VWA8: variants seen among roughly 807,000 people sequenced by gnomAD.
VWA8 encodes von Willebrand factor A domain-containing protein 8.
VWA8 carries 221 observed loss-of-function variants against 241.5 expected under a neutral mutation model. That is an observed-to-expected ratio of 0.91 (90% CI 0.82 to 1.02). VWA8 has a LOEUF of 1.02. VWA8 is among the 50% of genes least tolerant of loss of function. VWA8 has a pLI of 0.00. For missense variants in VWA8, 2,322 were observed against 2,328.7 expected (o/e 1.00, Z 0.06); for synonymous variants, 852 against 827.1 (o/e 1.03, Z -0.52).
intron 2 of VWA8, among the ~76,000 whole-genome samples, chr13:41,913,969 T>C (rs1182750716): frequency 6.6e-6 from 1 of 152,186 alleles, no homozygotes; most frequent in African/African-American, 2.4e-5. Context: ...CGGCCAGGCA[T>C]GGTGGCTCAC....
intron 37 of VWA8, among the ~76,000 whole-genome samples, chr13:41,641,813 AC>A (rs1216657809): frequency 1.3e-5 from 2 of 151,942 alleles, no homozygotes; most frequent in African/African-American, 4.8e-5. Flanking sequence ...GAAAAAAAAA[AC>A]AGTATGTGGG....
chr13:41,923,133 T>C (rs1055284042), intron 2 of VWA8, among the ~76,000 whole-genome samples: 5 of 152,108 alleles, frequency 3.3e-5, no homozygotes, highest in Admixed American at 1.3e-4. Context: ...ATGTCCTTTG[T>C]AGGGACATGG....
intron 26 of VWA8, among the ~76,000 whole-genome samples, chr13:41,704,395 G>A (rs1247720770): frequency 1.3e-5 from 2 of 151,958 alleles, no homozygotes; most frequent in Non-Finnish European, 2.9e-5. Flanking sequence ...TTCAAATAAG[G>A]TGATTTGCCA....
intron 21 of VWA8, among the ~76,000 whole-genome samples, chr13:41,752,548 T>C (rs900147512): frequency 6.6e-6 from 1 of 152,120 alleles, no homozygotes; most frequent in Non-Finnish European, 1.5e-5. Flanking sequence ...TGAATTAACA[T>C]ACAGTGAATA....
At chr13:41,655,554 GA>G (rs2139690963) in intron 37 of VWA8, among the ~76,000 whole-genome samples, 1 of 152,024 alleles carries the variant, frequency 6.6e-6, no homozygotes, top group South Asian at 2.1e-4. Flanking sequence ...TATATTTTAT[GA>G]AAAAATGGTT....
intron 35 of VWA8, among the ~76,000 whole-genome samples, chr13:41,681,765 T>C (rs749389870): frequency 6.6e-6 from 1 of 152,122 alleles, no homozygotes; most frequent in Non-Finnish European, 1.5e-5. Context: ...GGAAGTGTTA[T>C]GAGAGAGTAT....
intron 2 of VWA8, among the ~76,000 whole-genome samples, chr13:41,949,031 T>TAAAAAAAAAAAAA (rs35506856): frequency 2.4e-4 from 15 of 63,404 alleles, no homozygotes; most frequent in East Asian, 4.2e-4. Context: ...TCTACCATCA[T>TAAAAAAAAAAAAA]AAAAAAAAAA....
At chr13:41,809,652 A>T (rs1035754598) in intron 17 of VWA8, among the ~76,000 whole-genome samples, 2 of 152,168 alleles carry the variant, frequency 1.3e-5, no homozygotes, top group African/African-American at 4.8e-5. Context: ...GAAACTACTA[A>T]AAGAAAGCAT....
At chr13:41,903,679 A>G (rs1875565242) in intron 4 of VWA8, among the ~76,000 whole-genome samples, 1 of 152,174 alleles carries the variant, frequency 6.6e-6, no homozygotes, top group Non-Finnish European at 1.5e-5. Context: ...CCTGCAAGGC[A>G]AGGAGTAAAA....
intron 22 of VWA8, among the ~76,000 whole-genome samples, chr13:41,731,844 G>A (rs2045486285): frequency 6.6e-6 from 1 of 152,150 alleles, no homozygotes; most frequent in Non-Finnish European, 1.5e-5. Context: ...CTTGCCTGCT[G>A]CCATGTGAGA....
chr13:41,866,219 CG>C (rs1241615435), intron 10 of VWA8, among the ~76,000 whole-genome samples, 183 bp from the exon 11 acceptor site: 1 of 151,874 alleles, frequency 6.6e-6, no homozygotes, highest in Non-Finnish European at 1.5e-5. Context: ...CATGGTGGTG[CG>C]CAACTGTGAT....
rs749453959 is a variant in VWA8 at position 41,570,598 on chromosome 13, T to G, written c.5479A>C (p.Ile1827Leu). The G allele has an allele frequency of 6.2e-7, 1 of 1,614,254 alleles. No individual in the cohort carries two copies. Among genetic ancestry groups the G allele is most frequent in the Non-Finnish European group, 8.5e-7 (1 of 1,180,046 alleles). Reference sequence around the variant, plus strand: ...GACAGATTTGCATCACTCAAGACTATGACAAAGTACTCATCAGCTTCTTCT... The same window carrying G: ...GACAGATTTGCATCACTCAAGACTAGGACAAAGTACTCATCAGCTTCTTCT... ...VKEEADEYFV[I>L]VLSDANLSRY... The change falls in exon 44 of 45, where the codon ATA becomes CTA. Residue 1827 changes from isoleucine (I) to leucine (L), a missense_variant. Physicochemically the swap from Ile to Leu is conservative, Grantham distance 5. Coordinates refer to ENST00000379310, the MANE Select transcript of VWA8 (RefSeq NM_015058.2).
At chr13:41,876,127 T>C (rs1310617103) in intron 9 of VWA8, among the ~76,000 whole-genome samples, 1 of 152,110 alleles carries the variant, frequency 6.6e-6, no homozygotes, top group Non-Finnish European at 1.5e-5. Flanking sequence ...AAAGCTACAA[T>C]AGTGTCTCAA....
chr13:41,683,689 A>G (rs1415137723), intron 35 of VWA8, among the ~76,000 whole-genome samples: 1 of 152,172 alleles, frequency 6.6e-6, no homozygotes, highest in Non-Finnish European at 1.5e-5. Context: ...AAGAGGTAAC[A>G]ATATCAGAAG....
chr13:41,857,396 T>C (rs547157955), intron 12 of VWA8, among the ~76,000 whole-genome samples: 477 of 152,300 alleles, frequency 3.1e-3, no homozygotes, highest in African/African-American at 9.9e-3. Flanking sequence ...ATCCATATCA[T>C]ATTTTTTCCA....
chr13:41,577,173 A>C (rs1228742659), intron 42 of VWA8, among the ~76,000 whole-genome samples: 1 of 152,236 alleles, frequency 6.6e-6, no homozygotes, highest in East Asian at 1.9e-4. Flanking sequence ...CTTTGGCCCC[A>C]TAGACACCTC....
At chr13:41,615,206 C>T in intron 37 of VWA8, 122 bp from the exon 38 acceptor site, 1 of 935,030 alleles carries the variant, frequency 1.1e-6, no homozygotes, top group Non-Finnish European at 1.6e-6. Flanking sequence ...GGCCACTGGA[C>T]TTGATAAATG....
intron 34 of VWA8, among the ~76,000 whole-genome samples, chr13:41,686,997 T>C (rs2045140990): frequency 6.6e-6 from 1 of 152,164 alleles, no homozygotes; most frequent in Non-Finnish European, 1.5e-5. Flanking sequence ...CTCTGATCTT[T>C]GATAACTCAC....
chr13:41,907,811 T>C lies in VWA8; in HGVS notation c.373-115A>G, dbSNP rs1271358397. 6.1e-6 allele frequency: 5 copies of C among 824,130 alleles called. No individual in the cohort carries two copies. The Admixed American group carries it at 1.3e-4, about 21-fold the overall frequency. 51.1% of individuals were successfully genotyped at this position (824,130 alleles called of 1,614,324 possible). ...ATGAGAAGTGCATTGTTAAACCTAA[T>C]TTTGGGTTGAAACTTGTTGAATCTA... On this transcript the variant is annotated intron_variant, in intron 3 of 44. Coordinates refer to ENST00000379310, the MANE Select transcript of VWA8 (RefSeq NM_015058.2).
Sources: gnomAD v4.1 joint callset for allele counts (sites outside exome capture counted in the v4.1 genomes callset) on GRCh38, gnomAD v4.1.1 for gene constraint, MANE v1.5 for transcripts, NCBI Gene and HGNC (gene_info 2026-07-23, HGNC 2026-07-21) for gene names.